Variants in PROSER1 observed in about 807,000 individuals in gnomAD.
The protein encoded by PROSER1 is proline and serine rich 1, also known as proline and serine-rich protein 1.
Under a neutral mutation model 71.8 loss-of-function variants are expected in PROSER1, and 36 were observed. The ratio of observed to expected loss-of-function variants is 0.50; its 90% CI spans 0.38 to 0.66. The LOEUF (loss-of-function observed/expected upper bound fraction) is 0.66. Ranked by LOEUF, PROSER1 falls within the 30% of genes least tolerant of loss-of-function variation. The pLI is 0.00. For missense variants in PROSER1, 1,107 were observed against 1,135.0 expected (o/e 0.98, Z 0.35); for synonymous variants, 490 against 452.4 (o/e 1.08, Z -1.06).
At chr13:39,032,185 A>G (rs1277417508) in intron 2 of PROSER1, among the ~76,000 whole-genome samples, 1 of 152,192 alleles carries the variant, frequency 6.6e-6, no homozygotes, top group East Asian at 1.9e-4. Flanking sequence ...TAGGTCCTTT[A>G]ACTTGAATCT....
chr13:39,031,790 T>A (rs996408271), intron 2 of PROSER1, 159 bp from the exon 3 acceptor site: 2 of 611,414 alleles, frequency 3.3e-6, no homozygotes, highest in Admixed American at 3.1e-5. Flanking sequence ...AGCTATTATA[T>A]AGTTATATAC....
At position 39,013,584 on chromosome 13, in the gene PROSER1, A is replaced by G. The variant is rs777659484; in HGVS notation, c.1668T>C (p.Pro556=). The G allele has an allele frequency of 1.2e-6, 2 of 1,614,154 alleles. No individual in the cohort carries two copies. The highest frequency in any genetic ancestry group is 1.7e-6 in the Non-Finnish European group (2 of 1,180,028). Residue 556 remains proline (P), a synonymous_variant, in exon 11 of 13, where the codon CCT becomes CCC. Transcript: ENST00000352251. The part of the protein sequence containing the change: ...ANSTSTPLTL[P]VQSPLATAAS... ...CAGCAGTGGCTAAAGGAGACTGTAC[A>G]GGCAATGTCAGGGGAGTGGAAGTTG... is the stretch of plus-strand genomic sequence containing the variant.
At chr13:39,018,942 T>C (rs1439970329) in intron 9 of PROSER1, among the ~76,000 whole-genome samples, 1 of 152,172 alleles carries the variant, frequency 6.6e-6, no homozygotes, top group Non-Finnish European at 1.5e-5. Context: ...AAAAATTCTT[T>C]GTAAGCTTAC....
intron 9 of PROSER1, among the ~76,000 whole-genome samples, chr13:39,020,575 C>T (rs565201810): frequency 3.9e-5 from 6 of 152,144 alleles, no homozygotes; most frequent in African/African-American, 1.4e-4. Context: ...ACACATCAAA[C>T]TCATGAGTAA....
chr13:39,018,152 A>C (rs1446707681), intron 9 of PROSER1, among the ~76,000 whole-genome samples: 1 of 152,192 alleles, frequency 6.6e-6, no homozygotes, highest in Non-Finnish European at 1.5e-5. Flanking sequence ...TACCATGGAG[A>C]ACTAGCCTAG....
Position 39,011,477 on chromosome 13 carries a change from G to T in PROSER1, c.2723C>A (p.Ala908Asp). 6.2e-7 allele frequency: 1 copy of T among 1,613,984 alleles called. No homozygotes were observed. Among genetic ancestry groups the T allele is most frequent in the Non-Finnish European group, 8.5e-7 (1 of 1,179,980 alleles). Residue 908 changes from alanine (A) to aspartate (D), a missense_variant, in exon 13 of 13, where the codon GCT (alanine) becomes GAT (aspartate). Ala to Asp is a moderately radical substitution (Grantham distance 126). Coordinates refer to ENST00000352251, the MANE Select transcript of PROSER1 (RefSeq NM_025138.5). ...AGCTGGATAGCTTTCCAGAGCCGAA[G>T]CTGAATGGACCTGATGGAAAGAAGA... ...QSALLQQVHS[A>D]SALESYPAQP... is the part of the protein sequence containing the mutation.
At chr13:39,024,102 T>C (rs1190966573) in intron 7 of PROSER1, among the ~76,000 whole-genome samples, 1 of 152,150 alleles carries the variant, frequency 6.6e-6, no homozygotes, top group Non-Finnish European at 1.5e-5. Flanking sequence ...ATCATTATAA[T>C]CACTATCTTG....
intron 10 of PROSER1, among the ~76,000 whole-genome samples, chr13:39,016,355 G>A (rs1474759497): frequency 2.0e-5 from 3 of 152,190 alleles, no homozygotes; most frequent in African/African-American, 4.8e-5. Flanking sequence ...GGCTTGCTAT[G>A]ACTAAGCAAC....
chr13:39,016,410 G>C (rs1870009897), intron 10 of PROSER1, among the ~76,000 whole-genome samples: 2 of 152,186 alleles, frequency 1.3e-5, no homozygotes, highest in African/African-American at 2.4e-5. Flanking sequence ...GCCAAGACTT[G>C]AGCCTGGGTC....
intron 4 of PROSER1, 157 bp downstream of exon 4, chr13:39,029,124 T>C (rs767164963): frequency 7.9e-6 from 4 of 508,190 alleles, no homozygotes; most frequent in Non-Finnish European, 1.4e-5. Context: ...ATGTAATAAG[T>C]ACACTAGATA....
rs2138097739 is a variant in PROSER1, at chr13:39,013,359, G to A, written c.1893C>T (p.Gly631=). ...CCAATGTCCCTGACAAACCTAAAGT[G>A]CCATGAGAGGGATTCCCAGAATGAG... The part of the protein sequence containing the change: ...GPSHSGNPSH[G]TLGLSGTLGR... The change falls in exon 11 of 13, where the codon GGC becomes GGT. Residue 631 remains glycine, a synonymous_variant. Coordinates refer to ENST00000352251, the MANE Select transcript of PROSER1 (RefSeq NM_025138.5). The A allele has an allele frequency of 6.2e-7, 1 of 1,614,196 alleles. No homozygotes were observed.
At chr13:39,029,732 G>C (rs1261122123) in intron 3 of PROSER1, among the ~76,000 whole-genome samples, 1 of 152,074 alleles carries the variant, frequency 6.6e-6, no homozygotes, top group African/African-American at 2.4e-5. Flanking sequence ...ATTGTTCAAA[G>C]GTTAGAAAAA....
At chr13:39,016,165 A>T (rs1372001611) in intron 10 of PROSER1, among the ~76,000 whole-genome samples, 1 of 152,132 alleles carries the variant, frequency 6.6e-6, no homozygotes, top group Non-Finnish European at 1.5e-5. Flanking sequence ...GAACAAAAAT[A>T]AAAAAAATCC....
At position 39,013,366 on chromosome 13, in the gene PROSER1, G is replaced by A. The variant is rs1869788860; in HGVS notation, c.1886C>T (p.Ser629Phe). The change falls in exon 11 of 13, where the codon TCT becomes TTT. Residue 629 changes from serine to phenylalanine, a missense_variant. Coordinates refer to ENST00000352251, the MANE Select transcript of PROSER1 (RefSeq NM_025138.5). ...CCCTGACAAACCTAAAGTGCCATGA[G>A]AGGGATTCCCAGAATGAGATGGACC... is the stretch of plus-strand genomic sequence containing the variant. ...FKGPSHSGNP[S>F]HGTLGLSGTL... 2 of 1,614,226 alleles carry A rather than the reference G, an allele frequency of 1.2e-6. No homozygotes were observed. Among genetic ancestry groups the A allele is most frequent in the African/African-American group, 2.7e-5 (2 of 75,066 alleles).
Position 39,013,125 on chromosome 13 carries a change from TA to T in PROSER1, c.2126del (p.Leu709Ter), listed in dbSNP as rs1256722362. The T allele has an allele frequency of 1.2e-6, 2 of 1,614,002 alleles. No individual in the cohort carries two copies. The highest frequency in any genetic ancestry group is 2.2e-5 in the South Asian group (2 of 91,066). On this transcript the variant is annotated frameshift_variant, in exon 11 of 13. Coordinates refer to ENST00000352251, the MANE Select transcript of PROSER1 (RefSeq NM_025138.5). LOFTEE classifies it high-confidence loss of function. ...ACGGATTAAGAGATGGGTTGCCAGTTAAAGGAAAATTGTTGGTCAAAGAAGT... is the reference window on the plus strand; with the variant it reads ...ACGGATTAAGAGATGGGTTGCCAGTTAAGGAAAATTGTTGGTCAAAGAAGT... ...SFTSLTNNFP[L>X]TGNPSLNPSV...
In PROSER1 at chr13:39,013,322, T is replaced by C. The variant is rs878933355; in HGVS notation, c.1930A>G (p.Thr644Ala). 6.2e-7 allele frequency: 1 copy of C among 1,614,098 alleles called. No homozygotes were observed. Among genetic ancestry groups the C allele is most frequent in the South Asian group, 1.1e-5 (1 of 91,082 alleles). Residue 644 changes from threonine (T) to alanine (A), a missense_variant, in exon 11 of 13, where the codon ACT becomes GCT. Coordinates refer to ENST00000352251, the MANE Select transcript of PROSER1 (RefSeq NM_025138.5). ...AAACTGATGGGCACGGATGTTGAAG[T>C]ATATGCACGGCCCAATGTCCCTGAC... ...GLSGTLGRAY[T>A]STSVPISLSA... is the part of the protein sequence containing the mutation.
intron 3 of PROSER1, among the ~76,000 whole-genome samples, chr13:39,029,821 A>T (rs1170791205): frequency 1.3e-5 from 2 of 152,164 alleles, no homozygotes; most frequent in Non-Finnish European, 2.9e-5. Context: ...TTACAAAAAA[A>T]GGTTACACTA....
intron 1 of PROSER1, among the ~76,000 whole-genome samples, chr13:39,036,625 G>C (rs564882759): frequency 6.6e-6 from 1 of 152,128 alleles, no homozygotes; most frequent in Non-Finnish European, 1.5e-5. Flanking sequence ...GCCTCAAAAA[G>C]CAGCAAAAAC....
At chr13:39,016,948 G>A (rs1870034157) in intron 10 of PROSER1, among the ~76,000 whole-genome samples, 1 of 152,206 alleles carries the variant, frequency 6.6e-6, no homozygotes, top group Admixed American at 6.5e-5. Flanking sequence ...TGACCACACA[G>A]ATCATCACCT....
Sources: allele counts gnomAD v4.1 joint callset (sites outside exome capture counted in the v4.1 genomes callset), GRCh38; gene constraint gnomAD v4.1.1; transcripts MANE v1.5; gene names NCBI Gene and HGNC (gene_info 2026-07-23, HGNC 2026-07-21).